NCK2: variants seen among roughly 807,000 people sequenced by gnomAD.
NCK2 encodes cytoplasmic protein NCK2.
In NCK2, 16 loss-of-function variants were observed where a neutral mutation model predicts 33.9. The observed-to-expected ratio is 0.47, with a 90% CI of 0.32 to 0.72. The LOEUF is 0.72. NCK2 is among the 30% of genes least tolerant of loss of function. The probability of loss-of-function intolerance (pLI) is 0.03; values close to 1 mark genes in which losing one functional copy is unlikely to be tolerated. For missense variants in NCK2, 418 were observed against 537.3 expected, an observed-to-expected ratio of 0.78 and a Z score of 2.19; for synonymous variants, 273 against 239.9, an observed-to-expected ratio of 1.14 and a Z score of -1.27.
At chr2:105,823,644 G>C (rs1212495797) in intron 2 of NCK2, among the ~76,000 whole-genome samples, 1 of 151,968 alleles carries the variant, frequency 6.6e-6, no homozygotes, top group Non-Finnish European at 1.5e-5. Flanking sequence ...GCCAGTTTTG[G>C]ATGGAAACGA....
At chr2:105,825,055 G>A (rs1208426762) in intron 2 of NCK2, among the ~76,000 whole-genome samples, 2 of 152,214 alleles carry the variant, frequency 1.3e-5, no homozygotes, top group Non-Finnish European at 2.9e-5. Flanking sequence ...GGCACTCGAG[G>A]TGCTTGGGGA....
intron 2 of NCK2, among the ~76,000 whole-genome samples, chr2:105,840,118 GGA>G (rs1676585269): frequency 6.6e-6 from 1 of 152,170 alleles, no homozygotes; most frequent in Non-Finnish European, 1.5e-5. Flanking sequence ...CCTCTATAAA[GGA>G]GAGTTGGTGG....
intron 3 of NCK2, among the ~76,000 whole-genome samples, chr2:105,872,782 G>C (rs1678068631): frequency 6.6e-6 from 1 of 152,246 alleles, no homozygotes; most frequent in African/African-American, 2.4e-5. Flanking sequence ...TTAGTTGACT[G>C]AAAGTTTTTG....
At chr2:105,782,793 C>T (rs1690544324) in intron 1 of NCK2, among the ~76,000 whole-genome samples, 2 of 152,182 alleles carry the variant, frequency 1.3e-5, no homozygotes. Flanking sequence ...TAGGCTTGTG[C>T]TCAGCTCTGG....
intron 1 of NCK2, among the ~76,000 whole-genome samples, chr2:105,787,764 A>G (rs1451425620): frequency 6.6e-6 from 1 of 152,188 alleles, no homozygotes; most frequent in Non-Finnish European, 1.5e-5. Context: ...TGCTGGAAAC[A>G]AGGCCCATCT....
intron 1 of NCK2, among the ~76,000 whole-genome samples, chr2:105,755,653 G>A (rs547511741): frequency 6.6e-6 from 1 of 151,740 alleles, no homozygotes; most frequent in Non-Finnish European, 1.5e-5. Flanking sequence ...GCAGGTACAC[G>A]AATACCTTTT....
intron 3 of NCK2, among the ~76,000 whole-genome samples, chr2:105,861,385 C>T (rs1677525231): frequency 6.6e-6 from 1 of 152,194 alleles, no homozygotes; most frequent in African/African-American, 2.4e-5. Flanking sequence ...AGGTTCTGAC[C>T]ACCTCTCTAT....
At chr2:105,826,822 G>T (rs770083415) in intron 2 of NCK2, among the ~76,000 whole-genome samples, 6 of 151,934 alleles carry the variant, frequency 3.9e-5, no homozygotes, top group Non-Finnish European at 8.8e-5. Flanking sequence ...ATATATGTAT[G>T]TGTGTGTATA....
At chr2:105,765,784 GGGGTGT>G (rs934221659) in intron 1 of NCK2, among the ~76,000 whole-genome samples, 8 of 115,614 alleles carry the variant, frequency 6.9e-5, no homozygotes, top group African/African-American at 1.9e-4. Flanking sequence ...CTTAGAATAG[GGGGTGT>G]GTGTGTGTGT....
At chr2:105,823,185 G>A (rs533929430) in intron 2 of NCK2, among the ~76,000 whole-genome samples, 1 of 150,058 alleles carries the variant, frequency 6.7e-6, no homozygotes, top group South Asian at 2.1e-4. Context: ...ACAATGGAGG[G>A]GGTGTTGTAG....
intron 1 of NCK2, among the ~76,000 whole-genome samples, chr2:105,761,475 T>C (rs1689762485): frequency 6.6e-6 from 1 of 152,184 alleles, no homozygotes; most frequent in Admixed American, 6.5e-5. Flanking sequence ...GGGACACTAC[T>C]TCCTGCTCCA....
intron 2 of NCK2, among the ~76,000 whole-genome samples, chr2:105,818,325 G>C (rs1464926865): frequency 3.4e-5 from 5 of 147,978 alleles, no homozygotes; most frequent in African/African-American, 5.0e-5. Context: ...TATACCTAAT[G>C]TAAATGACGA....
At chr2:105,869,755 G>C (rs1052446711) in intron 3 of NCK2, among the ~76,000 whole-genome samples, 1 of 152,076 alleles carries the variant, frequency 6.6e-6, no homozygotes, top group East Asian at 1.9e-4. Flanking sequence ...ATTCAAAAAC[G>C]CTTGGGCTCA....
At chr2:105,817,122 G>A (rs1675522651) in intron 2 of NCK2, among the ~76,000 whole-genome samples, 1 of 147,156 alleles carries the variant, frequency 6.8e-6, no homozygotes, top group Non-Finnish European at 1.5e-5. Flanking sequence ...GTTGCAGTGA[G>A]CCAAGGTCAC....
At chr2:105,861,948 C>A (rs989870693) in intron 3 of NCK2, among the ~76,000 whole-genome samples, 1 of 112,840 alleles carries the variant, frequency 8.9e-6, no homozygotes, top group South Asian at 2.6e-4. Context: ...GCCCGCTCCC[C>A]CCTTCCCTTT....
At chr2:105,860,926 A>G (rs1378196626) in intron 3 of NCK2, among the ~76,000 whole-genome samples, 1 of 150,954 alleles carries the variant, frequency 6.6e-6, no homozygotes, top group African/African-American at 2.4e-5. Context: ...GAAGCCGTGG[A>G]TGGAGCCCCA....
intron 1 of NCK2, among the ~76,000 whole-genome samples, chr2:105,805,241 G>T (rs1405222523): frequency 6.6e-6 from 1 of 152,208 alleles, no homozygotes; most frequent in East Asian, 1.9e-4. Flanking sequence ...GGGAAGCTGA[G>T]GTGCAAAGAT....
chr2:105,751,269 TATC>T (rs1255258360), intron 1 of NCK2, among the ~76,000 whole-genome samples: 1 of 152,206 alleles, frequency 6.6e-6, no homozygotes, highest in Non-Finnish European at 1.5e-5. Flanking sequence ...CCCAACTAGT[TATC>T]AACCCCTATT....
At chr2:105,788,432 A>G (rs959431498) in intron 1 of NCK2, among the ~76,000 whole-genome samples, 3 of 152,058 alleles carry the variant, frequency 2.0e-5, no homozygotes, top group Admixed American at 2.0e-4. Flanking sequence ...TCTGGTTTGT[A>G]TATTTATAGT....
Sources: allele counts gnomAD v4.1 joint callset (sites outside exome capture counted in the v4.1 genomes callset), GRCh38; gene constraint gnomAD v4.1.1; transcripts MANE v1.5; gene names NCBI Gene and HGNC (gene_info 2026-07-23, HGNC 2026-07-21).